Variants in FHOD3 observed in about 807,000 individuals in gnomAD.
FHOD3 encodes the protein FH1/FH2 domain-containing protein 3.
FHOD3 carries 90 observed loss-of-function variants against 173.0 expected under a neutral mutation model. The observed-to-expected ratio is 0.52, with a 90% CI of 0.44 to 0.62. The LOEUF (loss-of-function observed/expected upper bound fraction) is 0.62, where lower values mean the gene tolerates loss of function less well. Ranked by LOEUF, FHOD3 falls within the 20% of genes least tolerant of loss-of-function variation. The pLI is 0.00. For synonymous variants in FHOD3, 828 were observed against 823.0 expected, an observed-to-expected ratio of 1.01 and a Z score of -0.10; for missense variants, 1,945 against 2,034.7, an observed-to-expected ratio of 0.96 and a Z score of 0.85.
At chr18:36,453,741 A>G (rs2052003003) in intron 3 of FHOD3, among the ~76,000 whole-genome samples, 1 of 152,114 alleles carries the variant, frequency 6.6e-6, no homozygotes, top group Admixed American at 6.6e-5. Context: ...CTGGCACAGC[A>G]CAGGCAGAGG....
chr18:36,445,823 C>T (rs930278054), intron 3 of FHOD3, among the ~76,000 whole-genome samples: 1 of 152,162 alleles, frequency 6.6e-6, no homozygotes, highest in South Asian at 2.1e-4. Flanking sequence ...AGCGAGGCTC[C>T]CTCGCTGCGG....
chr18:36,747,023 A>G lies in FHOD3; in HGVS notation c.4120A>G (p.Ile1374Val). The change falls in exon 24 of 29, where the codon ATT becomes GTT. Residue 1374 changes from isoleucine to valine, a missense_variant. Physicochemically the swap from Ile to Val is conservative, Grantham distance 29 (BLOSUM62 3). Coordinates refer to ENST00000590592, the MANE Select transcript of FHOD3 (RefSeq NM_001281740.3). Reference sequence around the variant, plus strand: ...AGCTTCATGGGATCACCTCAAGGCAATTGCAAAACATGAAATGAAACCAGT... The same window carrying G: ...AGCTTCATGGGATCACCTCAAGGCAGTTGCAAAACATGAAATGAAACCAGT... ...CKASWDHLKA[I>V]AKHEMKPVLK... 6.2e-7 allele frequency: 1 copy of G among 1,614,162 alleles called. No individual in the cohort carries two copies. The highest frequency in any genetic ancestry group is 8.5e-7 in the Non-Finnish European group (1 of 1,180,000).
chr18:36,532,334 C>T (rs77276599), intron 5 of FHOD3, among the ~76,000 whole-genome samples: 12 of 152,154 alleles, frequency 7.9e-5, no homozygotes, highest in African/African-American at 1.4e-4. Context: ...AGGACCCATA[C>T]GCTCCTCTTC....
chr18:36,661,544 T>G (rs982265591), intron 14 of FHOD3, among the ~76,000 whole-genome samples: 13 of 152,176 alleles, frequency 8.5e-5, no homozygotes, highest in Non-Finnish European at 8.8e-5. Flanking sequence ...GTTCTAGAAC[T>G]TCATTCCCTT....
At chr18:36,540,334 G>C (rs1038151011) in intron 5 of FHOD3, among the ~76,000 whole-genome samples, 1 of 152,204 alleles carries the variant, frequency 6.6e-6, no homozygotes, top group Admixed American at 6.5e-5. Context: ...GTGACTGGAA[G>C]TTAGTAGAGT....
intron 14 of FHOD3, among the ~76,000 whole-genome samples, chr18:36,659,572 G>T (rs908101066): frequency 3.3e-5 from 5 of 152,204 alleles, no homozygotes; most frequent in Non-Finnish European, 7.3e-5. Context: ...CAAGCTGCCA[G>T]CTCCTCAGGG....
intron 5 of FHOD3, among the ~76,000 whole-genome samples, chr18:36,556,957 AC>A (rs1298920392): frequency 1.3e-5 from 2 of 152,156 alleles, no homozygotes; most frequent in Non-Finnish European, 2.9e-5. Context: ...TTCTAGGATG[AC>A]AGGTTTTTTC....
intron 5 of FHOD3, among the ~76,000 whole-genome samples, chr18:36,540,611 G>A (rs919732213): frequency 8.5e-5 from 13 of 152,338 alleles, no homozygotes; most frequent in South Asian, 2.1e-4. Context: ...ATGGCACCCA[G>A]TGATTTAAGT....
At chr18:36,643,337 T>C (rs926775780) in intron 10 of FHOD3, among the ~76,000 whole-genome samples, 9 of 152,010 alleles carry the variant, frequency 5.9e-5, no homozygotes, top group Admixed American at 5.2e-4. Flanking sequence ...TTTTACAGCA[T>C]GCTTGTGTCA....
chr18:36,778,736 C>T (rs545258526), intron 28 of FHOD3: 1 of 152,308 alleles, frequency 6.6e-6, no homozygotes, highest in East Asian at 1.9e-4. Flanking sequence ...CCAATTCCAG[C>T]CAGAATAAGT....
intron 5 of FHOD3, among the ~76,000 whole-genome samples, chr18:36,557,346 A>AT (rs1568424073): frequency 6.6e-6 from 1 of 151,552 alleles, no homozygotes; most frequent in African/African-American, 2.4e-5. Flanking sequence ...ATTTTAAATT[A>AT]TTTTTTCTGT....
chr18:36,617,566 A>G (rs1438789374), intron 9 of FHOD3, among the ~76,000 whole-genome samples: 1 of 143,406 alleles, frequency 7.0e-6, no homozygotes, highest in Non-Finnish European at 1.5e-5. Context: ...TGCTACTACG[A>G]GAGTTCTTGT....
chr18:36,749,495 C>T (rs1052682871), intron 24 of FHOD3, among the ~76,000 whole-genome samples: 1 of 152,212 alleles, frequency 6.6e-6, no homozygotes, highest in Non-Finnish European at 1.5e-5. Flanking sequence ...CATGTTCCCA[C>T]AAAAGACATG....
At chr18:36,578,138 T>C (rs1297391550) in intron 6 of FHOD3, among the ~76,000 whole-genome samples, 2 of 152,164 alleles carry the variant, frequency 1.3e-5, no homozygotes, top group East Asian at 3.9e-4. Flanking sequence ...GAAAAGCATA[T>C]TGGATTAATC....
At chr18:36,553,823 G>C (rs1028568381) in intron 5 of FHOD3, among the ~76,000 whole-genome samples, 2 of 152,102 alleles carry the variant, frequency 1.3e-5, no homozygotes, top group Non-Finnish European at 2.9e-5. Flanking sequence ...AAAAGTGGGC[G>C]AAGGATATGA....
chr18:36,367,310 G>A (rs1362821671), intron 2 of FHOD3, among the ~76,000 whole-genome samples: 1 of 152,106 alleles, frequency 6.6e-6, no homozygotes, highest in Non-Finnish European at 1.5e-5. Flanking sequence ...GGTAGCCTTG[G>A]CCTTGGCCTT....
intron 10 of FHOD3, among the ~76,000 whole-genome samples, chr18:36,642,473 G>C (rs2957174): frequency 6.6e-6 from 1 of 151,220 alleles, no homozygotes; most frequent in African/African-American, 2.4e-5. Flanking sequence ...CAAAAAATTA[G>C]CCGGGCGTGG....
At chr18:36,555,496 A>G (rs1301174822) in intron 5 of FHOD3, among the ~76,000 whole-genome samples, 1 of 151,962 alleles carries the variant, frequency 6.6e-6, no homozygotes, top group Non-Finnish European at 1.5e-5. Flanking sequence ...AGTAGAATGT[A>G]TATTCTGTTG....
chr18:36,738,466 G>T (rs1194655317), intron 20 of FHOD3, among the ~76,000 whole-genome samples: 2 of 152,134 alleles, frequency 1.3e-5, no homozygotes, highest in Admixed American at 1.3e-4. Context: ...ATAAAGTTTG[G>T]TTTATTATCT....
Sources: allele counts gnomAD v4.1 joint callset (sites outside exome capture counted in the v4.1 genomes callset), GRCh38; gene constraint gnomAD v4.1.1; transcripts MANE v1.5; gene names NCBI Gene and HGNC (gene_info 2026-07-23, HGNC 2026-07-21).